CSMD1: variants seen among roughly 807,000 people sequenced by gnomAD.
CSMD1 encodes the protein CUB and sushi domain-containing protein 1.
In CSMD1, 213 loss-of-function variants were observed where a neutral mutation model predicts 417.5. That is an observed-to-expected ratio of 0.51 (90% CI 0.46 to 0.57). The LOEUF (loss-of-function observed/expected upper bound fraction) is 0.57, where lower values mean the gene tolerates loss of function less well. Ranked by LOEUF, CSMD1 falls within the 20% of genes least tolerant of loss-of-function variation. CSMD1 has a pLI of 0.00. For missense variants in CSMD1, 6,923 were observed against 4,529.7 expected (o/e 1.53, Z -15.17); for synonymous variants, 2,862 against 1,736.8 (o/e 1.65, Z -16.11).
chr8:3,677,612 A>G (rs1340613332), intron 7 of CSMD1, among the ~76,000 whole-genome samples: 1 of 152,164 alleles, frequency 6.6e-6, no homozygotes, highest in Non-Finnish European at 1.5e-5. Context: ...CTCTGAGTTT[A>G]GAACCTCTCT....
intron 1 of CSMD1, among the ~76,000 whole-genome samples, chr8:4,744,593 C>T (rs1006138193): frequency 7.9e-5 from 12 of 152,124 alleles, no homozygotes; most frequent in African/African-American, 1.7e-4. Context: ...ATCTTTGGTT[C>T]GTGGTAGCAA....
At chr8:3,511,495 C>T (rs1256419587) in intron 10 of CSMD1, among the ~76,000 whole-genome samples, 1 of 151,768 alleles carries the variant, frequency 6.6e-6, no homozygotes. Context: ...TGGCTCACGG[C>T]TGTAATCCCT....
At position 4,563,140 on chromosome 8, in the gene CSMD1, G is replaced by A. The variant is rs150375254; in HGVS notation, c.302+74202C>T. Among the ~76,000 whole-genome samples, 133 of 152,272 alleles carry A rather than the reference G, an allele frequency of 8.7e-4. 2 individuals carry two copies. In the East Asian group the frequency reaches 0.021, roughly 24 times the overall value. On this transcript the variant is annotated intron_variant, in intron 2 of 69. Transcript: ENST00000635120. ...CAATGGGCCGGGCACAGTGACTCAT[G>A]CCTGTAATCTCAGCACTTTCGGAGG...
At chr8:3,349,008 T>C (rs1018540134) in intron 21 of CSMD1, among the ~76,000 whole-genome samples, 5 of 152,180 alleles carry the variant, frequency 3.3e-5, no homozygotes, top group Admixed American at 6.5e-5. Flanking sequence ...ACACAGAGGT[T>C]TGTCTGTGCC....
intron 3 of CSMD1, among the ~76,000 whole-genome samples, chr8:4,206,622 G>C (rs910259007): frequency 6.6e-6 from 1 of 152,154 alleles, no homozygotes; most frequent in Non-Finnish European, 1.5e-5. Flanking sequence ...CTTTGCTACT[G>C]TGAACAGTGA....
chr8:4,416,766 T>A (rs948183661), intron 3 of CSMD1, among the ~76,000 whole-genome samples: 3 of 152,100 alleles, frequency 2.0e-5, no homozygotes, highest in Non-Finnish European at 2.9e-5. Context: ...GTCAATTTTC[T>A]GACTTCCTAG....
At chr8:3,897,254 G>T (rs543928019) in intron 5 of CSMD1, among the ~76,000 whole-genome samples, 2 of 152,098 alleles carry the variant, frequency 1.3e-5, no homozygotes, top group Non-Finnish European at 2.9e-5. Flanking sequence ...CAGAGACAAC[G>T]GTCATAGTGT....
chr8:3,183,493 A>G (rs56397706), intron 36 of CSMD1, among the ~76,000 whole-genome samples: 1 of 23,286 alleles, frequency 4.3e-5, no homozygotes, highest in Non-Finnish European at 8.1e-5. Flanking sequence ...CGTTTCTTAA[A>G]GATACCATCG....
chr8:4,735,630 G>A (rs771361583), intron 1 of CSMD1, among the ~76,000 whole-genome samples: 2 of 152,118 alleles, frequency 1.3e-5, no homozygotes, highest in Non-Finnish European at 2.9e-5. Flanking sequence ...ATGATGATGA[G>A]AAGACTAATA....
chr8:3,941,041 A>T (rs572916918), intron 5 of CSMD1, among the ~76,000 whole-genome samples: 1 of 152,046 alleles, frequency 6.6e-6, no homozygotes, highest in African/African-American at 2.4e-5. Flanking sequence ...ATAATTCAAT[A>T]CATTCATATA....
At chr8:4,415,716 G>T (rs78124617) in intron 3 of CSMD1, among the ~76,000 whole-genome samples, 1 of 152,208 alleles carries the variant, frequency 6.6e-6, no homozygotes, top group Non-Finnish European at 1.5e-5. Flanking sequence ...AATGAGAGAA[G>T]AAATGAATGA....
At chr8:4,004,590 G>A (rs1226285311) in intron 4 of CSMD1, among the ~76,000 whole-genome samples, 1 of 151,770 alleles carries the variant, frequency 6.6e-6, no homozygotes, top group East Asian at 1.9e-4. Flanking sequence ...ATTTATTTGG[G>A]ATTTTCCTTC....
At chr8:3,966,586 C>G (rs1812690045) in intron 5 of CSMD1, among the ~76,000 whole-genome samples, 1 of 151,978 alleles carries the variant, frequency 6.6e-6, no homozygotes, top group Non-Finnish European at 1.5e-5. Context: ...CATTGGTTTG[C>G]AGTTTTTGGC....
chr8:4,625,643 C>T (rs1210734357), intron 2 of CSMD1, among the ~76,000 whole-genome samples: 1 of 151,684 alleles, frequency 6.6e-6, no homozygotes, highest in Admixed American at 6.6e-5. Flanking sequence ...AATATTTAAT[C>T]TAAAAAAAAA....
At chr8:3,283,051 A>G (rs2117228757) in intron 26 of CSMD1, among the ~76,000 whole-genome samples, 1 of 152,310 alleles carries the variant, frequency 6.6e-6, no homozygotes, top group East Asian at 1.9e-4. Context: ...CCTTTCATCA[A>G]AAATGGGCTA....
chr8:3,583,174 A>G (rs1426471993), intron 9 of CSMD1, among the ~76,000 whole-genome samples: 4 of 151,894 alleles, frequency 2.6e-5, no homozygotes, highest in Non-Finnish European at 5.9e-5. Context: ...CCTACCAATC[A>G]TGTGAGCCAG....
At chr8:3,441,325 TA>T (rs1563392795) in intron 12 of CSMD1, among the ~76,000 whole-genome samples, 1 of 152,110 alleles carries the variant, frequency 6.6e-6, no homozygotes. Flanking sequence ...CTTAGGAAAC[TA>T]ATAGGGGTGT....
In CSMD1 at chr8:4,568,659, T is replaced by C. The variant is rs1014533723; in HGVS notation, c.302+68683A>G. 5.3e-5 allele frequency among the ~76,000 whole-genome samples: 8 copies of C among 152,158 alleles called. No individual in the cohort carries two copies. The South Asian group carries it at 1.7e-3, about 32-fold the overall frequency. The stretch of plus-strand genomic sequence containing the variant: ...CCAGTAAAGGGATTGCTGGGTCAAA[T>C]GGTATTTCTGGTTCTAGATCCTTTA... On this transcript the variant is annotated intron_variant, in intron 2 of 69. Transcript: ENST00000635120.
intron 7 of CSMD1, among the ~76,000 whole-genome samples, chr8:3,644,045 T>G (rs1173032013): frequency 6.6e-6 from 1 of 152,152 alleles, no homozygotes. Flanking sequence ...ACACAAGGAA[T>G]CAAAGCTTCC....
Sources: gnomAD v4.1 joint callset for allele counts (sites outside exome capture counted in the v4.1 genomes callset) on GRCh38, gnomAD v4.1.1 for gene constraint, MANE v1.5 for transcripts, NCBI Gene and HGNC (gene_info 2026-07-23, HGNC 2026-07-21) for gene names.